The following FAT3 variants were observed in gnomAD, a reference collection of about 807,000 sequenced individuals.
The protein encoded by FAT3 is FAT atypical cadherin 3, also known as protocadherin Fat 3.
FAT3 carries 95 observed loss-of-function variants against 310.2 expected under a neutral mutation model. The ratio of observed to expected loss-of-function variants is 0.31; its 90% CI spans 0.26 to 0.36. The LOEUF (loss-of-function observed/expected upper bound fraction) is 0.36. Among genes scored for constraint, FAT3 ranks in the 10% least tolerant of loss-of-function variants. The probability of loss-of-function intolerance (pLI) is 1.00; values close to 1 mark genes in which losing one functional copy is unlikely to be tolerated. For missense variants in FAT3, 5,408 were observed against 5,715.6 expected (o/e 0.95, Z 1.74); for synonymous variants, 2,314 against 2,192.9 (o/e 1.06, Z -1.54).
intron 3 of FAT3, among the ~76,000 whole-genome samples, chr11:92,647,809 C>G (rs1312284427): frequency 6.6e-6 from 1 of 152,064 alleles, no homozygotes; most frequent in African/African-American, 2.4e-5. Context: ...TAGACATTTG[C>G]TTCATGTTTG....
intron 9 of FAT3, among the ~76,000 whole-genome samples, chr11:92,795,028 G>A (rs897933960): frequency 2.0e-5 from 3 of 152,126 alleles, no homozygotes; most frequent in Non-Finnish European, 4.4e-5. Flanking sequence ...TTTATTGGTG[G>A]GCTATAAATT....
intron 2 of FAT3, among the ~76,000 whole-genome samples, chr11:92,412,752 C>CACATATATATATATATATATATATAT (rs1565296555): frequency 2.1e-4 from 5 of 24,290 alleles, no homozygotes; most frequent in African/African-American, 5.3e-4. Context: ...TATAAATATA[C>CACATATATATATATATATATATATAT]ATACATATAT....
intron 1 of FAT3, among the ~76,000 whole-genome samples, chr11:92,311,955 T>A (rs1947315174): frequency 6.6e-6 from 1 of 152,168 alleles, no homozygotes; most frequent in East Asian, 1.9e-4. Flanking sequence ...CTTCCACATT[T>A]TATCCCAATC....
chr11:92,578,114 A>T (rs16917838), intron 3 of FAT3, among the ~76,000 whole-genome samples: 1,699 of 152,228 alleles, frequency 0.011, 35 homozygotes, highest in East Asian at 0.098. Flanking sequence ...GTGTTTAGAA[A>T]ATATGTGCAG....
At chr11:92,451,518 T>C (rs1402366179) in intron 2 of FAT3, among the ~76,000 whole-genome samples, 3 of 152,160 alleles carry the variant, frequency 2.0e-5, no homozygotes, top group Non-Finnish European at 4.4e-5. Flanking sequence ...TCCCCAGAGA[T>C]CACATTTTGT....
At chr11:92,693,729 C>T (rs766828350) in intron 3 of FAT3, among the ~76,000 whole-genome samples, 1 of 152,080 alleles carries the variant, frequency 6.6e-6, no homozygotes, top group Non-Finnish European at 1.5e-5. Context: ...GTTTAGCTGA[C>T]CCTGGCTTGA....
At chr11:92,418,445 CAG>C (rs1565301088) in intron 2 of FAT3, among the ~76,000 whole-genome samples, 2 of 118,600 alleles carry the variant, frequency 1.7e-5, no homozygotes, top group Admixed American at 1.0e-4. Context: ...CACACACACA[CAG>C]AGAAAACAAA....
At chr11:92,365,763 G>A (rs1008611735) in intron 2 of FAT3, among the ~76,000 whole-genome samples, 2 of 152,280 alleles carry the variant, frequency 1.3e-5, no homozygotes, top group Admixed American at 6.5e-5. Context: ...GTGGGGGAGA[G>A]ATTCTAAAAT....
chr11:92,830,817 A>G (rs1407041273), intron 13 of FAT3, among the ~76,000 whole-genome samples: 2 of 152,034 alleles, frequency 1.3e-5, no homozygotes, highest in Admixed American at 1.3e-4. Flanking sequence ...CACATCCTGT[A>G]TCCTGCCAGC....
chr11:92,624,469 G>A (rs1217048072), intron 3 of FAT3, among the ~76,000 whole-genome samples: 1 of 152,200 alleles, frequency 6.6e-6, no homozygotes, highest in East Asian at 1.9e-4. Context: ...TAGGAGGGGT[G>A]CACTGAATGT....
At chr11:92,277,675 C>T (rs1299254836) in intron 1 of FAT3, among the ~76,000 whole-genome samples, 1 of 151,902 alleles carries the variant, frequency 6.6e-6, no homozygotes, top group African/African-American at 2.4e-5. Context: ...GTAAAGATGG[C>T]AACAATAGAC....
chr11:92,842,509 T>C (rs1013927053), intron 18 of FAT3, among the ~76,000 whole-genome samples: 2 of 152,244 alleles, frequency 1.3e-5, no homozygotes, highest in African/African-American at 2.4e-5. Flanking sequence ...TCCTTCTCCA[T>C]GAATTTTACA....
At chr11:92,319,894 G>A (rs915117238) in intron 1 of FAT3, among the ~76,000 whole-genome samples, 1 of 152,184 alleles carries the variant, frequency 6.6e-6, no homozygotes, top group Non-Finnish European at 1.5e-5. Context: ...GAGAGGAGTA[G>A]GGATGAGGAA....
intron 3 of FAT3, among the ~76,000 whole-genome samples, chr11:92,597,749 C>T (rs1299816798): frequency 6.6e-6 from 1 of 152,158 alleles, no homozygotes; most frequent in Non-Finnish European, 1.5e-5. Context: ...CTAAGTTCAA[C>T]ATCCAGACTG....
intron 3 of FAT3, among the ~76,000 whole-genome samples, chr11:92,575,072 G>T (rs1938403238): frequency 6.6e-6 from 1 of 152,132 alleles, no homozygotes; most frequent in South Asian, 2.1e-4. Flanking sequence ...GACTGTCCTT[G>T]TTATTTCCCC....
chr11:92,871,500 A>G (rs1255100963), intron 22 of FAT3, among the ~76,000 whole-genome samples: 2 of 152,184 alleles, frequency 1.3e-5, no homozygotes, highest in Admixed American at 1.3e-4. Flanking sequence ...TCCTGGGGAA[A>G]CTTTGACTCT....
At chr11:92,553,671 CCGTCCCTTCCTTCCTTCCTTCCTTCCTT>C (rs1421633297) in intron 3 of FAT3, among the ~76,000 whole-genome samples, 104 of 108,928 alleles carry the variant, frequency 9.5e-4, no homozygotes, top group African/African-American at 3.8e-3. Context: ...TCTAGAATCT[CCGTCCCTTCCTTCCTTCCTTCCTTCCTT>C]CCTTCCTTCC....
At chr11:92,465,577 GT>G (rs1218705388) in intron 2 of FAT3, among the ~76,000 whole-genome samples, 1 of 151,904 alleles carries the variant, frequency 6.6e-6, no homozygotes, top group Non-Finnish European at 1.5e-5. Context: ...ATTTTTTCAT[GT>G]GTGAAACCAT....
At chr11:92,784,507 G>T in intron 7 of FAT3, among the ~76,000 whole-genome samples, 1 of 152,168 alleles carries the variant, frequency 6.6e-6, no homozygotes, top group East Asian at 1.9e-4. Flanking sequence ...CATCTACCCA[G>T]ACTTAGCTTA....
Sources: allele counts gnomAD v4.1 joint callset (sites outside exome capture counted in the v4.1 genomes callset), GRCh38; gene constraint gnomAD v4.1.1; transcripts MANE v1.5; gene names NCBI Gene and HGNC (gene_info 2026-07-23, HGNC 2026-07-21).